ARHGEF3: variants seen among roughly 807,000 people sequenced by gnomAD.
ARHGEF3 encodes Rho guanine nucleotide exchange factor 3, also known as 59.8 kDA protein.
A neutral mutation model predicts 63.2 loss-of-function variants in ARHGEF3; 28 were observed. The observed-to-expected ratio is 0.44, with a 90% confidence interval of 0.33 to 0.61. The LOEUF (loss-of-function observed/expected upper bound fraction) is 0.61, where lower values mean the gene tolerates loss of function less well. Among genes scored for constraint, ARHGEF3 ranks in the 20% least tolerant of loss-of-function variants. The probability of loss-of-function intolerance (pLI) is 0.03; values close to 1 mark genes in which losing one functional copy is unlikely to be tolerated. For missense variants in ARHGEF3, 533 were observed against 659.3 expected (o/e 0.81, Z 2.10); for synonymous variants, 266 against 254.2 (o/e 1.05, Z -0.44).
chr3:56,806,719 G>C (rs1201748662), upstream of ARHGEF3, among the ~76,000 whole-genome samples: 1 of 152,192 alleles, frequency 6.6e-6, no homozygotes, highest in Non-Finnish European at 1.5e-5. Flanking sequence ...ACCAGGCATG[G>C]CTTGGAGACC....
intron 1 of ARHGEF3, among the ~76,000 whole-genome samples, chr3:56,778,477 TATATC>T (rs2036391206): frequency 6.6e-6 from 1 of 152,220 alleles, no homozygotes; most frequent in African/African-American, 2.4e-5. Flanking sequence ...TAAGTGTGGC[TATATC>T]ATATTAAACA....
chr3:56,988,530 A>C (rs1466486503), intron 2 of ARHGEF3, among the ~76,000 whole-genome samples: 1 of 152,222 alleles, frequency 6.6e-6, no homozygotes, highest in African/African-American at 2.4e-5. Flanking sequence ...ATTATTATTA[A>C]TAGCATCAAC....
At chr3:56,852,390 TCAGAGCC>T (rs1196450073) in intron 4 of ARHGEF3, among the ~76,000 whole-genome samples, 1 of 152,174 alleles carries the variant, frequency 6.6e-6, no homozygotes, top group South Asian at 2.1e-4. Flanking sequence ...TTGAATTGAA[TCAGAGCC>T]CAGAGATGTC....
chr3:57,025,813 G>C (rs768380583), intron 2 of ARHGEF3, among the ~76,000 whole-genome samples: 2 of 152,144 alleles, frequency 1.3e-5, no homozygotes, highest in African/African-American at 2.4e-5. Flanking sequence ...GTATCCATGA[G>C]CCCAGCACAG....
intron 2 of ARHGEF3, among the ~76,000 whole-genome samples, chr3:56,992,202 T>C (rs900209555): frequency 1.3e-5 from 2 of 151,446 alleles, no homozygotes; most frequent in African/African-American, 4.9e-5. Context: ...AGTTCGCTCA[T>C]TAATGAGTTA....
intron 8 of ARHGEF3, among the ~76,000 whole-genome samples, chr3:56,733,231 T>C (rs2033319697): frequency 1.4e-5 from 2 of 141,788 alleles, no homozygotes; most frequent in South Asian, 4.5e-4. Flanking sequence ...TGCAGTGAGC[T>C]GAGGTCGTGC....
At chr3:56,954,473 T>C (rs151158113) in intron 3 of ARHGEF3, among the ~76,000 whole-genome samples, 3 of 152,188 alleles carry the variant, frequency 2.0e-5, no homozygotes, top group African/African-American at 7.2e-5. Context: ...CCAGGGTTCC[T>C]CCTCTCTCAG....
At chr3:56,768,976 G>A (rs762893039) in intron 2 of ARHGEF3, among the ~76,000 whole-genome samples, 11 of 152,224 alleles carry the variant, frequency 7.2e-5, no homozygotes, top group South Asian at 2.1e-4. Flanking sequence ...CTCAGAGTAC[G>A]TGAGCTCTGC....
chr3:56,994,064 C>CAAAAAAAATAAAAA (rs1701875269), intron 2 of ARHGEF3, among the ~76,000 whole-genome samples: 1 of 59,722 alleles, frequency 1.7e-5, no homozygotes, highest in Non-Finnish European at 3.3e-5. Flanking sequence ...AACTTCGTCT[C>CAAAAAAAATAAAAA]AAAAAAAAAA....
chr3:56,764,740 T>A (rs1052392885), intron 2 of ARHGEF3, among the ~76,000 whole-genome samples: 45 of 150,516 alleles, frequency 3.0e-4, no homozygotes, highest in Middle Eastern at 3.4e-3. Context: ...AAGCTTTAAA[T>A]TACAATAGTC....
chr3:56,882,923 CTCTT>C (rs1198315484), intron 3 of ARHGEF3, among the ~76,000 whole-genome samples: 2 of 152,180 alleles, frequency 1.3e-5, no homozygotes, highest in South Asian at 4.1e-4. Context: ...CAGTTTGTTT[CTCTT>C]TGAGTTTCAT....
At chr3:56,954,485 C>T (rs140199167) in intron 3 of ARHGEF3, among the ~76,000 whole-genome samples, 2 of 152,194 alleles carry the variant, frequency 1.3e-5, no homozygotes, top group African/African-American at 2.4e-5. Flanking sequence ...CTCTCTCAGC[C>T]TTCTCATTCC....
At chr3:56,863,303 AT>A (rs112409030) in intron 4 of ARHGEF3, among the ~76,000 whole-genome samples, 407 of 128,282 alleles carry the variant, frequency 3.2e-3, no homozygotes, top group Non-Finnish European at 4.5e-3. Context: ...CACCCAGCTA[AT>A]TTTTTTTTTT....
At chr3:57,000,842 T>C (rs1356390742) in intron 2 of ARHGEF3, among the ~76,000 whole-genome samples, 3 of 152,150 alleles carry the variant, frequency 2.0e-5, no homozygotes, top group African/African-American at 7.2e-5. Context: ...CACTACTACC[T>C]TATTATTTAA....
intron 2 of ARHGEF3, among the ~76,000 whole-genome samples, chr3:56,983,133 T>A (rs974650952): frequency 6.6e-5 from 10 of 152,198 alleles, no homozygotes; most frequent in Admixed American, 5.2e-4. Flanking sequence ...ATATTTTATA[T>A]GACCCCTAGG....
chr3:56,784,270 C>G (rs989170569), intron 1 of ARHGEF3, among the ~76,000 whole-genome samples: 2 of 152,106 alleles, frequency 1.3e-5, no homozygotes, highest in Non-Finnish European at 2.9e-5. Context: ...GCCATGGGCC[C>G]GGAGGATGTT....
intron 2 of ARHGEF3, among the ~76,000 whole-genome samples, chr3:57,023,295 G>A (rs1193207240): frequency 6.6e-6 from 1 of 152,146 alleles, no homozygotes; most frequent in Non-Finnish European, 1.5e-5. Context: ...TTCTACCACC[G>A]AATATTTTTC....
intron 2 of ARHGEF3, among the ~76,000 whole-genome samples, chr3:57,028,684 A>C (rs1270944452): frequency 7.0e-6 from 1 of 143,484 alleles, no homozygotes; most frequent in South Asian, 2.3e-4. Flanking sequence ...CTAAAACTTA[A>C]AGTATAATAA....
intron 3 of ARHGEF3, among the ~76,000 whole-genome samples, chr3:56,884,493 G>A (rs56323918): frequency 0.036 from 5,416 of 152,318 alleles, 308 homozygotes; most frequent in African/African-American, 0.12. Flanking sequence ...TTTTTCCACT[G>A]AAACAGTGGT....
Sources: gnomAD v4.1 joint callset for allele counts (sites outside exome capture counted in the v4.1 genomes callset) on GRCh38, gnomAD v4.1.1 for gene constraint, MANE v1.5 for transcripts, NCBI Gene and HGNC (gene_info 2026-07-23, HGNC 2026-07-21) for gene names.